The following UGT1A4 variants were observed in gnomAD, a reference collection of about 807,000 sequenced individuals.
UGT1A4 encodes the protein UDP-glucuronosyltransferase 1A4.
A neutral mutation model predicts 41.1 loss-of-function variants in UGT1A4; 32 were observed. The ratio of observed to expected loss-of-function variants is 0.78; its 90% confidence interval spans 0.59 to 1.05. The LOEUF (loss-of-function observed/expected upper bound fraction) is 1.05, where lower values mean the gene tolerates loss of function less well. Among genes scored for constraint, UGT1A4 ranks in the 50% least tolerant of loss-of-function variants. UGT1A4 has a pLI of 0.00. For missense variants in UGT1A4, 748 were observed against 677.4 expected (o/e 1.10, Z -1.16); for synonymous variants, 283 against 265.1 (o/e 1.07, Z -0.66).
At chr2:233,767,966 A>G in intron 3 of UGT1A4, 30 bp downstream of exon 3, 1 of 1,614,232 alleles carries the variant, frequency 6.2e-7, no homozygotes, top group South Asian at 1.1e-5. Flanking sequence ...TGTATAGGTC[A>G]AACCAGGGTC....
At chr2:233,758,273 A>AG (rs1696835032) in intron 1 of UGT1A4, among the ~76,000 whole-genome samples, 1 of 152,232 alleles carries the variant, frequency 6.6e-6, no homozygotes, top group Non-Finnish European at 1.5e-5. Flanking sequence ...TTCTTGGTCA[A>AG]GGGCAGAGCT....
At chr2:233,723,283 C>G (rs2077074487) in intron 1 of UGT1A4, among the ~76,000 whole-genome samples, 1 of 114,006 alleles carries the variant, frequency 8.8e-6, no homozygotes, top group Non-Finnish European at 1.7e-5. Context: ...GATGTTGGCT[C>G]ACTGCAACCT....
chr2:233,754,495 A>T, intron 1 of UGT1A4: 1 of 357,368 alleles, frequency 2.8e-6, no homozygotes, highest in Non-Finnish European at 5.5e-6. Context: ...TCCTAAAAAA[A>T]GTCCGCTATT....
At chr2:233,737,382 C>T (rs751071024) in intron 1 of UGT1A4, among the ~76,000 whole-genome samples, 21 of 152,224 alleles carry the variant, frequency 1.4e-4, no homozygotes, top group Non-Finnish European at 2.6e-4. Flanking sequence ...GAGAGAATCT[C>T]CTTGTCTGCC....
chr2:233,718,858 C>T lies in UGT1A4; in HGVS notation c.38C>T (p.Ala13Val). ...CTCCAGGTTCCCCTGCCGCGGCTGGCCACAGGACTGCTGCTCCTCCTCAGT... is the reference window on the plus strand; with the variant it reads ...CTCCAGGTTCCCCTGCCGCGGCTGGTCACAGGACTGCTGCTCCTCCTCAGT... ...RGLQVPLPRL[A>V]TGLLLLLSVQ... Residue 13 changes from alanine (A) to valine (V), a missense_variant, in exon 1 of 5, where the codon GCC (alanine) becomes GTC (valine). By Grantham distance (64) the Ala-to-Val change is moderately conservative. Coordinates refer to ENST00000373409, the MANE Select transcript of UGT1A4 (RefSeq NM_007120.3). 1.9e-6 allele frequency: 3 copies of T among 1,613,692 alleles called. No homozygotes were observed. The highest frequency in any genetic ancestry group is 2.7e-5 in the African/African-American group (2 of 75,046).
In UGT1A4 at chr2:233,747,393, C is replaced by T. The variant is rs925567764; in HGVS notation, c.868-19641C>T. Reference sequence around the variant, plus strand: ...TGCCAGAGGCCACCAGGCGGTGGTCCTCACCCCAGAGGTGAATATGCACAT... The same window carrying T: ...TGCCAGAGGCCACCAGGCGGTGGTCTTCACCCCAGAGGTGAATATGCACAT... On this transcript the variant is annotated intron_variant, in intron 1 of 4. Transcript: ENST00000373409. 15 of 1,605,988 alleles carry T rather than the reference C, an allele frequency of 9.3e-6. No homozygotes were observed. The East Asian group carries it at 3.3e-4, about 36-fold the overall frequency.
chr2:233,725,753 T>G (rs2077473127), intron 1 of UGT1A4, among the ~76,000 whole-genome samples: 1 of 152,188 alleles, frequency 6.6e-6, no homozygotes, highest in Non-Finnish European at 1.5e-5. Flanking sequence ...GTAAGAGACT[T>G]ACATTTTCTT....
intron 1 of UGT1A4, among the ~76,000 whole-genome samples, chr2:233,728,649 T>C (rs1297115247): frequency 6.6e-6 from 1 of 152,186 alleles, no homozygotes; most frequent in Non-Finnish European, 1.5e-5. Flanking sequence ...GTATGGTTTT[T>C]GGATGCGCTG....
Position 233,719,357 on chromosome 2 carries a change from C to T in UGT1A4, c.537C>T (p.Asp179=), listed in dbSNP as rs756721140. The change falls in exon 1 of 5, where the codon GAC becomes GAT. Residue 179 remains aspartate (D), a synonymous_variant. Coordinates refer to ENST00000373409, the MANE Select transcript of UGT1A4 (RefSeq NM_007120.3). ...AVFFWRYIPC[D]LDFKGTQCPN... is the part of the protein sequence containing the mutation. ...TTTTTTGGAGGTACATTCCATGTGACTTAGACTTTAAGGGCACACAGTGTC... is the reference window on the plus strand; with the variant it reads ...TTTTTTGGAGGTACATTCCATGTGATTTAGACTTTAAGGGCACACAGTGTC... 3.8e-5 allele frequency: 62 copies of T among 1,613,782 alleles called. No individual in the cohort carries two copies. Among genetic ancestry groups the T allele is most frequent in the Non-Finnish European group, 4.7e-5 (55 of 1,179,868 alleles).
intron 1 of UGT1A4, among the ~76,000 whole-genome samples, chr2:233,735,215 A>G (rs1250944794): frequency 6.6e-6 from 1 of 152,166 alleles, no homozygotes; most frequent in Non-Finnish European, 1.5e-5. Flanking sequence ...GGGTGCATAT[A>G]TATTTAGGAT....
rs750647558 is a variant in UGT1A4 at position 233,719,225 on chromosome 2, G to A, written c.405G>A (p.Glu135=). The change falls in exon 1 of 5, where the codon GAG becomes GAA. Residue 135 remains glutamate (E), a synonymous_variant. Coordinates refer to ENST00000373409, the MANE Select transcript of UGT1A4 (RefSeq NM_007120.3). ...GTTGTGTGGAGCTACTGCATAATGA[G>A]GCCCTGATCAGGCACCTGAATGCTA... ...HRCCVELLHN[E]ALIRHLNATS... The A allele has an allele frequency of 4.3e-6, 7 of 1,614,052 alleles. No homozygotes were observed. In the South Asian group the frequency reaches 5.5e-5, roughly 13 times the overall value.
chr2:233,768,519 G>A, intron 4 of UGT1A4, 80 bp downstream of exon 4: 2 of 1,531,284 alleles, frequency 1.3e-6, no homozygotes, highest in Non-Finnish European at 1.8e-6. Flanking sequence ...CATTTACGTA[G>A]CATTTAATAG....
chr2:233,747,283 C>A (rs1693610010), intron 1 of UGT1A4: 1 of 1,600,180 alleles, frequency 6.2e-7, no homozygotes, highest in Admixed American at 1.7e-5. Flanking sequence ...CAGTGCCCAG[C>A]CCTGGGCTGA....
intron 1 of UGT1A4, among the ~76,000 whole-genome samples, chr2:233,745,995 A>T (rs1224487934): frequency 1.3e-5 from 2 of 151,678 alleles, no homozygotes; most frequent in Non-Finnish European, 2.9e-5. Context: ...GCTGGGTCTG[A>T]GAGACAGTGG....
At chr2:233,737,202 T>A (rs1346629064) in intron 1 of UGT1A4, among the ~76,000 whole-genome samples, 3 of 152,198 alleles carry the variant, frequency 2.0e-5, no homozygotes, top group Non-Finnish European at 4.4e-5. Flanking sequence ...TGAGCTGCGG[T>A]GGACTCTGTT....
chr2:233,753,155 C>G (rs1695142736), intron 1 of UGT1A4: 2 of 152,204 alleles, frequency 1.3e-5, no homozygotes, highest in South Asian at 4.1e-4. Context: ...TGTAAGTTCC[C>G]TTATCCGGAT....
chr2:233,753,876 C>A (rs1268305886), intron 1 of UGT1A4, among the ~76,000 whole-genome samples: 2 of 152,192 alleles, frequency 1.3e-5, no homozygotes, highest in Non-Finnish European at 1.5e-5. Context: ...AAGGTCTGTC[C>A]TCAGCCTTCA....
chr2:233,729,516 G>A, intron 1 of UGT1A4: 1 of 1,614,186 alleles, frequency 6.2e-7, no homozygotes, highest in Non-Finnish European at 8.5e-7. Flanking sequence ...CTTGTGTGGA[G>A]CTACTACATA....
chr2:233,760,825 G>C lies in UGT1A4; in HGVS notation c.868-6209G>C, dbSNP rs1657628450. The C allele has an allele frequency of 2.5e-6, 4 of 1,613,330 alleles. No homozygotes were observed. The Admixed American group carries it at 5.0e-5, about 20-fold the overall frequency. On this transcript the variant is annotated intron_variant, in intron 1 of 4. Coordinates refer to ENST00000373409, the MANE Select transcript of UGT1A4 (RefSeq NM_007120.3). ...CTTGCATGCACTGCCATGCAGCCTG[G>C]AATTTGAGGCTACCCAGTGCCCCAA...
Sources: allele counts gnomAD v4.1 joint callset (sites outside exome capture counted in the v4.1 genomes callset), GRCh38; gene constraint gnomAD v4.1.1; transcripts MANE v1.5; gene names NCBI Gene and HGNC (gene_info 2026-07-23, HGNC 2026-07-21).